SEZ6L: variants seen among roughly 807,000 people sequenced by gnomAD.
The protein encoded by SEZ6L is seizure related 6 homolog like.
SEZ6L carries 37 observed loss-of-function variants against 106.2 expected under a neutral mutation model. That is an observed-to-expected ratio of 0.35 (90% CI 0.27 to 0.46). The LOEUF is 0.46. SEZ6L is among the 20% of genes least tolerant of loss of function. The pLI is 1.00. For missense variants in SEZ6L, 1,172 were observed against 1,332.8 expected (o/e 0.88, Z 1.88); for synonymous variants, 541 against 570.4 (o/e 0.95, Z 0.73).
intron 10 of SEZ6L, among the ~76,000 whole-genome samples, 194 bp downstream of exon 10, chr22:26,340,826 C>T (rs530969172): frequency 6.6e-4 from 100 of 152,294 alleles, no homozygotes; most frequent in African/African-American, 2.1e-3. Flanking sequence ...GCACGGTCAT[C>T]GATGTCTGTG....
At chr22:26,364,458 C>T (rs1356792778) in intron 12 of SEZ6L, among the ~76,000 whole-genome samples, 1 of 145,168 alleles carries the variant, frequency 6.9e-6, no homozygotes, top group African/African-American at 2.6e-5. Flanking sequence ...CCGAGTGTGG[C>T]GGGACACGCC....
intron 1 of SEZ6L, among the ~76,000 whole-genome samples, chr22:26,207,960 A>C (rs1019404538): frequency 1.4e-5 from 2 of 147,414 alleles, no homozygotes; most frequent in Non-Finnish European, 3.0e-5. Context: ...CCCAGGCTGG[A>C]GTGCAGTGGC....
chr22:26,275,342 G>A (rs1344657827), intron 1 of SEZ6L, among the ~76,000 whole-genome samples: 2 of 152,182 alleles, frequency 1.3e-5, no homozygotes, highest in African/African-American at 4.8e-5. Context: ...CTATGTAAGT[G>A]TTCTGAGTAT....
At position 26,313,769 on chromosome 22, in the gene SEZ6L, T is replaced by C. The variant is rs1374894634; in HGVS notation, c.1882T>C (p.Cys628Arg). The C allele has an allele frequency of 6.2e-7, 1 of 1,607,382 alleles. No individual in the cohort carries two copies. Among genetic ancestry groups the C allele is most frequent in the African/African-American group, 1.3e-5 (1 of 74,970 alleles). Residue 628 changes from cysteine to arginine, a missense_variant, in exon 9 of 17, where the codon TGT becomes CGT. Coordinates refer to ENST00000248933, the MANE Select transcript of SEZ6L (RefSeq NM_021115.5). ...NDTEPLCRAMCGGELSAVAGV... is the reference protein window; with the variant it reads ...NDTEPLCRAMRGGELSAVAGV... ...TGCCTGTCTGTCTTTTACAGCCATGTGTGGTGGGGAGCTCTCTGCTGTGGC... is the reference window on the plus strand; with the variant it reads ...TGCCTGTCTGTCTTTTACAGCCATGCGTGGTGGGGAGCTCTCTGCTGTGGC...
At chr22:26,234,743 G>A (rs758947354) in intron 1 of SEZ6L, among the ~76,000 whole-genome samples, 1 of 152,236 alleles carries the variant, frequency 6.6e-6, no homozygotes, top group Non-Finnish European at 1.5e-5. Context: ...AGGCACCAGA[G>A]AAATAAAGGC....
chr22:26,285,016 C>T lies in SEZ6L; in HGVS notation c.95-7390C>T, dbSNP rs73879868. Among the ~76,000 whole-genome samples the T allele has an allele frequency of 7.6e-3, 1,156 of 152,022 alleles. 16 individuals are homozygous for T. Among genetic ancestry groups the T allele is most frequent in the African/African-American group, 0.027 (1,107 of 41,434 alleles). On this transcript the variant is annotated intron_variant, in intron 1 of 16. Coordinates refer to ENST00000248933, the MANE Select transcript of SEZ6L (RefSeq NM_021115.5). ...GGAATGAACTCTATGGAGTATAAAT[C>T]GCCACTTGAATATCAGTATTGTTAG...
chr22:26,317,986 T>C (rs1469979745), intron 9 of SEZ6L, among the ~76,000 whole-genome samples: 1 of 152,108 alleles, frequency 6.6e-6, no homozygotes, highest in African/African-American at 2.4e-5. Context: ...TGTGAGATTA[T>C]ATGGAGGGGA....
rs987143048 is a variant in SEZ6L, at chr22:26,382,295, T to C, written c.*2000T>C. The C allele has an allele frequency of 4.9e-5, 10 of 202,362 alleles. No individual in the cohort carries two copies. Among genetic ancestry groups the C allele is most frequent in the Admixed American group, 1.6e-4 (3 of 18,532 alleles). 12.5% of individuals were successfully genotyped at this position (202,362 alleles called of 1,614,324 possible). On this transcript the variant is annotated 3_prime_UTR_variant, in exon 17 of 17. Transcript: ENST00000248933. ...AAAAGGCAGAACTCAATCCATTTTA[T>C]TTGATGCTTATTCTAACCCTAACCC...
At chr22:26,254,515 G>A (rs2079737869) in intron 1 of SEZ6L, among the ~76,000 whole-genome samples, 1 of 152,108 alleles carries the variant, frequency 6.6e-6, no homozygotes, top group Admixed American at 6.5e-5. Context: ...CACTTTGGGA[G>A]GCCACGGCGG....
chr22:26,257,694 G>C (rs1602187159), intron 1 of SEZ6L, among the ~76,000 whole-genome samples: 1 of 152,176 alleles, frequency 6.6e-6, no homozygotes, highest in Non-Finnish European at 1.5e-5. Context: ...GGAACAGGTA[G>C]TACAGAGGCT....
At chr22:26,210,686 T>TA (rs2078132315) in intron 1 of SEZ6L, among the ~76,000 whole-genome samples, 1 of 152,094 alleles carries the variant, frequency 6.6e-6, no homozygotes, top group Admixed American at 6.5e-5. Flanking sequence ...ATGGTTTTTT[T>TA]ATTATAATCC....
intron 1 of SEZ6L, among the ~76,000 whole-genome samples, chr22:26,287,150 G>T (rs1021243556): frequency 6.6e-6 from 1 of 151,344 alleles, no homozygotes; most frequent in African/African-American, 2.4e-5. Context: ...AGAGAGATAC[G>T]CTGCTGCCCC....
At chr22:26,273,418 A>T (rs1374144036) in intron 1 of SEZ6L, among the ~76,000 whole-genome samples, 1 of 152,214 alleles carries the variant, frequency 6.6e-6, no homozygotes, top group East Asian at 1.9e-4. Context: ...CAAACCCAGC[A>T]CCTGCCCACT....
At chr22:26,170,958 C>T (rs1004852478) in intron 1 of SEZ6L, among the ~76,000 whole-genome samples, 2 of 152,192 alleles carry the variant, frequency 1.3e-5, no homozygotes, top group Non-Finnish European at 2.9e-5. Flanking sequence ...GGACCCCCAG[C>T]GCGCGCACCT....
chr22:26,245,209 C>A (rs1285651119), intron 1 of SEZ6L, among the ~76,000 whole-genome samples: 4 of 152,056 alleles, frequency 2.6e-5, no homozygotes, highest in Non-Finnish European at 2.9e-5. Context: ...CCATGGCAAC[C>A]TTTTGCTTGC....
chr22:26,368,576 G>A (rs184374532), intron 13 of SEZ6L, among the ~76,000 whole-genome samples: 1 of 152,180 alleles, frequency 6.6e-6, no homozygotes, highest in African/African-American at 2.4e-5. Context: ...AAGCAGAGTC[G>A]TGGTTGTCTA....
chr22:26,348,619 A>G (rs1463482376), intron 11 of SEZ6L, among the ~76,000 whole-genome samples: 1 of 28,068 alleles, frequency 3.6e-5, no homozygotes. Flanking sequence ...AGAAAAAGAA[A>G]GAAAGAAAGA....
At chr22:26,234,909 G>C (rs868040411) in intron 1 of SEZ6L, among the ~76,000 whole-genome samples, 1 of 152,184 alleles carries the variant, frequency 6.6e-6, no homozygotes, top group East Asian at 1.9e-4. Flanking sequence ...GCTAAGTCTT[G>C]ACAGATTAGT....
intron 13 of SEZ6L, among the ~76,000 whole-genome samples, chr22:26,373,073 C>T (rs544546087): frequency 1.3e-5 from 2 of 152,346 alleles, no homozygotes; most frequent in South Asian, 4.1e-4. Context: ...AGTCACTTCA[C>T]TTCTCTGAAC....
Sources: allele counts gnomAD v4.1 joint callset (sites outside exome capture counted in the v4.1 genomes callset), GRCh38; gene constraint gnomAD v4.1.1; transcripts MANE v1.5; gene names NCBI Gene and HGNC (gene_info 2026-07-23, HGNC 2026-07-21).